PDGFA: variants seen among roughly 807,000 people sequenced by gnomAD.
The protein encoded by PDGFA is platelet derived growth factor subunit A, also known as platelet-derived growth factor subunit A.
PDGFA carries 9 observed loss-of-function variants against 25.6 expected under a neutral mutation model. The observed-to-expected ratio is 0.35, with a 90% confidence interval of 0.21 to 0.61. The LOEUF is 0.61. Among genes scored for constraint, PDGFA ranks in the 20% least tolerant of loss-of-function variants. The pLI is 0.75. For synonymous variants in PDGFA, 133 were observed against 111.8 expected (o/e 1.19, Z -1.20); for missense variants, 242 against 272.8 (o/e 0.89, Z 0.79).
intron 4 of PDGFA, among the ~76,000 whole-genome samples, chr7:504,704 C>A (rs1233585297): frequency 6.6e-6 from 1 of 152,256 alleles, no homozygotes; most frequent in Non-Finnish European, 1.5e-5. Flanking sequence ...GCGCCCTGTT[C>A]TGCTCCCGGC....
chr7:511,957 A>T lies in PDGFA; in HGVS notation c.265+394T>A, dbSNP rs180690564. The stretch of plus-strand genomic sequence containing the variant: ...TCCCCACCAGTTCAGCAGCCGGCGC[A>T]GGAGCACGATGCCCACACTGCGAAT... On this transcript the variant is annotated intron_variant, in intron 3 of 5. Coordinates refer to ENST00000402802, the Ensembl canonical transcript of PDGFA. Among the ~76,000 whole-genome samples the T allele has an allele frequency of 4.6e-5, 7 of 152,334 alleles. No homozygotes were observed. The East Asian group carries it at 1.2e-3, about 25-fold the overall frequency.
At chr7:508,805 CCAGCCAGG>C (rs1387828024) in intron 4 of PDGFA, among the ~76,000 whole-genome samples, 1 of 152,006 alleles carries the variant, frequency 6.6e-6, no homozygotes, top group Non-Finnish European at 1.5e-5. Context: ...GGTGCCAGCC[CCAGCCAGG>C]CCTCACAGAA....
chr7:508,278 T>G (rs149534252), intron 4 of PDGFA, among the ~76,000 whole-genome samples: 26 of 152,064 alleles, frequency 1.7e-4, no homozygotes, highest in Non-Finnish European at 3.1e-4. Context: ...ACTTAAATCC[T>G]CAAACATCAT....
At chr7:511,043 C>A in intron 3 of PDGFA, 47 bp from the exon 4 acceptor site, 3 of 1,499,862 alleles carry the variant, frequency 2.0e-6, no homozygotes, top group Non-Finnish European at 2.8e-6. Context: ...TCTGCGACCA[C>A]GGCCCCACCC....
chr7:515,582 C>G lies in PDGFA; in HGVS notation c.160+1812G>C, dbSNP rs572727241. Among the ~76,000 whole-genome samples, 3 of 152,214 alleles carry G rather than the reference C, an allele frequency of 2.0e-5. No individual in the cohort carries two copies. The East Asian group carries it at 5.8e-4, about 29-fold the overall frequency. On this transcript the variant is annotated intron_variant, in intron 2 of 5. Transcript: ENST00000402802. ...GGCAAGAGAGGAGGTAGATGCCACC[C>G]CCATATTCTCACACACAAAGCCTCC...
At position 511,756 on chromosome 7, in the gene PDGFA, C is replaced by A. The variant is rs372382240; in HGVS notation, c.265+595G>T. 2.4e-3 allele frequency among the ~76,000 whole-genome samples: 372 copies of A among 152,072 alleles called. 1 individual carries two copies. Among genetic ancestry groups the A allele is most frequent in the African/African-American group, 8.5e-3 (352 of 41,508 alleles). On this transcript the variant is annotated intron_variant, in intron 3 of 5. Coordinates refer to ENST00000402802, the Ensembl canonical transcript of PDGFA. The stretch of plus-strand genomic sequence containing the variant: ...AGCAGGGACTGGCCCCTGAACTCCC[C>A]AAACCTGCTAGTTCCTCCTCAGGGG...
chr7:499,609 T>C lies in PDGFA; in HGVS notation c.581-1035A>G, dbSNP rs185711883. 1.3e-3 allele frequency among the ~76,000 whole-genome samples: 194 copies of C among 150,742 alleles called. 1 individual carries two copies. Among genetic ancestry groups the C allele is most frequent in the Non-Finnish European group, 1.9e-3 (132 of 67,908 alleles). ...CCATCTGGGAAGCGACATGTCTTGCTAGGAGACATTTCCCAAGCTCCCTTG... is the reference window on the plus strand; with the variant it reads ...CCATCTGGGAAGCGACATGTCTTGCCAGGAGACATTTCCCAAGCTCCCTTG... On this transcript the variant is annotated intron_variant, in intron 5 of 5. Coordinates refer to ENST00000402802, the Ensembl canonical transcript of PDGFA.
intron 4 of PDGFA, among the ~76,000 whole-genome samples, chr7:506,464 G>A (rs917081365): frequency 1.3e-5 from 2 of 151,844 alleles, no homozygotes; most frequent in Non-Finnish European, 2.9e-5. Flanking sequence ...CAGAGTCGTG[G>A]CTGGGAGCTT....
At position 500,833 on chromosome 7, in the gene PDGFA, T is replaced by C. The variant is rs1583137709; in HGVS notation, c.580+283A>G. ...TCAGCTCAGCCCCGCAGCCCACTAA[T>C]GAATTGGGTGTCTTATGCACTCCCA... On this transcript the variant is annotated intron_variant, in intron 5 of 5. Transcript: ENST00000402802. This position sits in a 1 kb window ranked among gnomAD's most constrained non-coding sequence, Gnocchi z 5.0. 1.7e-5 allele frequency: 25 copies of C among 1,493,386 alleles called. No homozygotes were observed. In the East Asian group the frequency reaches 6.3e-4, roughly 38 times the overall value. 92.5% of individuals were successfully genotyped at this position (1,493,386 alleles called of 1,614,324 possible).
chr7:499,722 C>CCCCCCCA (rs1782242897), intron 5 of PDGFA, among the ~76,000 whole-genome samples: 1 of 76,788 alleles, frequency 1.3e-5, no homozygotes, highest in Non-Finnish European at 2.9e-5. Flanking sequence ...TTTGCCCTTC[C>CCCCCCCA]CCCCCCCCCC....
chr7:509,206 C>T (rs1273194890), intron 4 of PDGFA, among the ~76,000 whole-genome samples: 2 of 152,244 alleles, frequency 1.3e-5, no homozygotes, highest in East Asian at 3.8e-4. Flanking sequence ...GGAACGCCAG[C>T]ACCCCCAGGA....
chr7:499,207 C>T (rs1039098616), intron 5 of PDGFA, among the ~76,000 whole-genome samples: 36 of 152,234 alleles, frequency 2.4e-4, no homozygotes, highest in Non-Finnish European at 4.0e-4. Context: ...ATGGGACCCA[C>T]AGGCAGGCAC....
At chr7:509,669 C>T (rs1470973890) in intron 4 of PDGFA, among the ~76,000 whole-genome samples, 1 of 152,162 alleles carries the variant, frequency 6.6e-6, no homozygotes, top group Non-Finnish European at 1.5e-5. Context: ...GTTCATCCCC[C>T]GCCCCTCACA....
intron 2 of PDGFA, among the ~76,000 whole-genome samples, chr7:514,269 G>A (rs963728325): frequency 4.6e-5 from 7 of 152,134 alleles, no homozygotes; most frequent in African/African-American, 1.4e-4. Context: ...TGTGGTCTGC[G>A]TCCACAGAGC....
At chr7:516,399 C>G (rs962983755) in intron 2 of PDGFA, among the ~76,000 whole-genome samples, 1 of 152,188 alleles carries the variant, frequency 6.6e-6, no homozygotes, top group African/African-American at 2.4e-5. Flanking sequence ...CATGCCCCCC[C>G]TTTTTCAGAG....
Position 512,331 on chromosome 7 carries a change from T to C in PDGFA, c.265+20A>G, listed in dbSNP as rs1221096140. The C allele has an allele frequency of 1.9e-6, 3 of 1,591,466 alleles. No individual in the cohort carries two copies. Among genetic ancestry groups the C allele is most frequent in the Non-Finnish European group, 8.6e-7 (1 of 1,166,950 alleles). On this transcript the variant is annotated intron_variant, in intron 3 of 5. Transcript: ENST00000402802. ...CCCTGACCCGGCCCTGCCCTGCCCATCGCGGCCTCCTGGACTCACCGATGC... is the reference window on the plus strand; with the variant it reads ...CCCTGACCCGGCCCTGCCCTGCCCACCGCGGCCTCCTGGACTCACCGATGC...
intron 4 of PDGFA, among the ~76,000 whole-genome samples, chr7:503,863 G>A (rs542502694): frequency 6.6e-6 from 1 of 152,148 alleles, no homozygotes; most frequent in African/African-American, 2.4e-5. Context: ...GGCCTGGGAG[G>A]TTTCGCTACG....
At chr7:503,563 G>C (rs1380842643) in intron 4 of PDGFA, among the ~76,000 whole-genome samples, 1 of 152,182 alleles carries the variant, frequency 6.6e-6, no homozygotes, top group Non-Finnish European at 1.5e-5. Context: ...CTTCTTGGGG[G>C]GAAGGGGGGA....
chr7:499,060 G>A (rs760138456), intron 5 of PDGFA, among the ~76,000 whole-genome samples: 2 of 152,158 alleles, frequency 1.3e-5, no homozygotes, highest in Admixed American at 6.5e-5. Flanking sequence ...CCTCTCCATC[G>A]CACACTCCAA....
Sources: gnomAD v4.1 joint callset for allele counts (sites outside exome capture counted in the v4.1 genomes callset) on GRCh38, gnomAD v4.1.1 for gene constraint, Gnocchi (gnomAD v3.1) non-coding constraint, MANE v1.5 for transcripts, NCBI Gene and HGNC (gene_info 2026-07-23, HGNC 2026-07-21) for gene names.